The following MAPRE3 variants were observed in gnomAD, a reference collection of about 807,000 sequenced individuals.
MAPRE3 encodes microtubule associated protein RP/EB family member 3.
In MAPRE3, 2 loss-of-function variants were observed where a neutral mutation model predicts 30.5. The observed-to-expected ratio is 0.07, with a 90% CI of 0.03 to 0.21. MAPRE3 has a LOEUF of 0.21. Ranked by LOEUF, MAPRE3 falls within the 10% of genes least tolerant of loss-of-function variation. The pLI is 1.00. For synonymous variants in MAPRE3, 110 were observed against 127.7 expected (o/e 0.86, Z 0.93); for missense variants, 204 against 351.8 (o/e 0.58, Z 3.36).
chr2:26,977,883 C>T (rs1485238020), intron 1 of MAPRE3, among the ~76,000 whole-genome samples: 1 of 152,200 alleles, frequency 6.6e-6, no homozygotes, highest in East Asian at 1.9e-4. Flanking sequence ...CAGCTCTGAG[C>T]ACTGAGAAAG....
chr2:27,023,650 C>CCA (rs1238577297), intron 3 of MAPRE3, 173 bp downstream of exon 3: 2 of 703,594 alleles, frequency 2.8e-6, no homozygotes, highest in East Asian at 5.5e-5. Flanking sequence ...ATGGAAAAGC[C>CCA]CACAACACTT....
At chr2:26,978,135 G>A (rs531173200) in intron 1 of MAPRE3, among the ~76,000 whole-genome samples, 2 of 152,320 alleles carry the variant, frequency 1.3e-5, no homozygotes, top group East Asian at 3.9e-4. Context: ...CGGAGAGAGT[G>A]ATTGTGGGAG....
chr2:27,014,309 G>C (rs896071440), intron 1 of MAPRE3, among the ~76,000 whole-genome samples: 6 of 152,134 alleles, frequency 3.9e-5, no homozygotes, highest in African/African-American at 1.4e-4. Context: ...CTCCTTCCCT[G>C]GCTAGCAGCT....
In MAPRE3 at chr2:26,980,427, T is replaced by C. The variant is rs572515198; in HGVS notation, c.-8+9625T>C. Among the ~76,000 whole-genome samples the C allele has an allele frequency of 4.6e-5, 7 of 152,376 alleles. No homozygotes were observed. The South Asian group carries it at 1.0e-3, about 23-fold the overall frequency. On this transcript the variant is annotated intron_variant, in intron 1 of 6. Transcript: ENST00000233121. ...AAACATATAAAATTGTAGTATGTGG[T>C]TCTTAAAATATATTTTGTGTATTAA...
At chr2:26,979,438 T>C (rs1465274093) in intron 1 of MAPRE3, among the ~76,000 whole-genome samples, 2 of 152,116 alleles carry the variant, frequency 1.3e-5, no homozygotes, top group Admixed American at 1.3e-4. Context: ...GTTTTTAAAT[T>C]AGCCGGGCAT....
chr2:27,023,583 G>C, intron 3 of MAPRE3, 106 bp downstream of exon 3: 1 of 1,409,352 alleles, frequency 7.1e-7, no homozygotes, highest in Non-Finnish European at 9.9e-7. Context: ...TCCGGTGCTC[G>C]TGCCTCCCTC....
intron 1 of MAPRE3, among the ~76,000 whole-genome samples, chr2:27,005,569 A>C (rs998076205): frequency 5.3e-5 from 8 of 152,228 alleles, no homozygotes; most frequent in African/African-American, 1.9e-4. Context: ...GGAGGAAAGA[A>C]AGCAACACTG....
intron 1 of MAPRE3, among the ~76,000 whole-genome samples, chr2:26,982,924 T>A (rs1352710481): frequency 6.6e-6 from 1 of 152,184 alleles, no homozygotes; most frequent in Non-Finnish European, 1.5e-5. Flanking sequence ...TTGTCCCTAA[T>A]GGACAAGAGT....
At chr2:27,002,475 C>T (rs1264504045) in intron 1 of MAPRE3, among the ~76,000 whole-genome samples, 2 of 150,440 alleles carry the variant, frequency 1.3e-5, no homozygotes, top group South Asian at 2.1e-4. Context: ...ACTATATTCT[C>T]ACCAATCATG....
rs544611683 is a variant in MAPRE3 at position 27,009,023 on chromosome 2, T to C, written c.-7-13189T>C. On this transcript the variant is annotated intron_variant, in intron 1 of 6. Transcript: ENST00000233121. ...AAATTATAGAGTAATGGGGAACAGGTCTGTGGTGGCCAGGGGATAGGGTTG... is the reference window on the plus strand; with the variant it reads ...AAATTATAGAGTAATGGGGAACAGGCCTGTGGTGGCCAGGGGATAGGGTTG... Among the ~76,000 whole-genome samples the C allele has an allele frequency of 1.2e-3, 179 of 151,426 alleles. 2 individuals are homozygous for C. Among genetic ancestry groups the C allele is most frequent in the Admixed American group, 8.9e-3 (135 of 15,240 alleles).
chr2:27,014,060 GATTGATGGGTGACTCC>G (rs1001163141), intron 1 of MAPRE3: 5 of 152,204 alleles, frequency 3.3e-5, no homozygotes, highest in African/African-American at 1.2e-4. Flanking sequence ...GGGAGCCTTG[GATTGATGGGTGACTCC>G]ATGGACATTT....
At chr2:27,013,308 C>G (rs558738013) in intron 1 of MAPRE3, 1 of 152,270 alleles carries the variant, frequency 6.6e-6, no homozygotes, top group African/African-American at 2.4e-5. Context: ...AAATCCTGTT[C>G]TGGGAAATCC....
At chr2:27,010,929 T>C (rs1330118230) in intron 1 of MAPRE3, among the ~76,000 whole-genome samples, 2 of 152,184 alleles carry the variant, frequency 1.3e-5, no homozygotes, top group African/African-American at 4.8e-5. Flanking sequence ...TCTGCAGGTC[T>C]AGCTGCTGTC....
chr2:27,004,267 G>A (rs1192456866), intron 1 of MAPRE3, among the ~76,000 whole-genome samples: 1 of 152,060 alleles, frequency 6.6e-6, no homozygotes, highest in Non-Finnish European at 1.5e-5. Context: ...AGCTCAATGT[G>A]CCTGTTTATT....
intron 1 of MAPRE3, among the ~76,000 whole-genome samples, chr2:26,990,748 TTAGAG>T (rs1362033079): frequency 6.6e-6 from 1 of 152,240 alleles, no homozygotes. Context: ...TTAATAACAA[TTAGAG>T]TAATTACCAA....
chr2:27,017,081 G>T (rs11677841), intron 1 of MAPRE3, among the ~76,000 whole-genome samples: 85,465 of 152,062 alleles, frequency 0.56, 24,680 homozygotes, highest in East Asian at 0.76. Flanking sequence ...CAGAGCCAAA[G>T]CTACGAGAGG....
At chr2:27,021,787 C>G (rs1454745365) in intron 1 of MAPRE3, among the ~76,000 whole-genome samples, 1 of 152,180 alleles carries the variant, frequency 6.6e-6, no homozygotes, top group Non-Finnish European at 1.5e-5. Flanking sequence ...TGCCTTCCAC[C>G]CATCCCTTTT....
At chr2:27,022,572 A>G in intron 2 of MAPRE3, 1 of 487,384 alleles carries the variant, frequency 2.1e-6, no homozygotes. Context: ...ATAGCCTACT[A>G]CTCCTAGGCT....
chr2:27,006,774 G>C (rs1666738495), intron 1 of MAPRE3, among the ~76,000 whole-genome samples: 1 of 152,162 alleles, frequency 6.6e-6, no homozygotes, highest in South Asian at 2.1e-4. Context: ...GAATGCAGGA[G>C]AAACCCCAAT....
Sources: gnomAD v4.1 joint callset for allele counts (sites outside exome capture counted in the v4.1 genomes callset) on GRCh38, gnomAD v4.1.1 for gene constraint, MANE v1.5 for transcripts, NCBI Gene and HGNC (gene_info 2026-07-23, HGNC 2026-07-21) for gene names.